Variants in SPTBN2 observed in about 807,000 individuals in gnomAD.
SPTBN2 encodes the protein spectrin beta chain, non-erythrocytic 2.
Under a neutral mutation model 284.2 loss-of-function variants are expected in SPTBN2, and 107 were observed. The ratio of observed to expected loss-of-function variants is 0.38; its 90% CI spans 0.32 to 0.44. The LOEUF (loss-of-function observed/expected upper bound fraction) is 0.44, where lower values mean the gene tolerates loss of function less well. Ranked by LOEUF, SPTBN2 falls within the 20% of genes least tolerant of loss-of-function variation. The pLI is 1.00. For synonymous variants in SPTBN2, 1,289 were observed against 1,354.8 expected, an observed-to-expected ratio of 0.95 and a Z score of 1.07; for missense variants, 2,569 against 3,287.1, an observed-to-expected ratio of 0.78 and a Z score of 5.34.
chr11:66,726,188 TAG>T, intron 1 of SPTBN2, among the ~76,000 whole-genome samples: 1 of 152,186 alleles, frequency 6.6e-6, no homozygotes, highest in East Asian at 1.9e-4. Context: ...ATGTCTTTCT[TAG>T]GACTAGAGAG....
intron 20 of SPTBN2, among the ~76,000 whole-genome samples, chr11:66,698,292 A>C (rs776034676): frequency 7.2e-5 from 11 of 152,252 alleles, no homozygotes; most frequent in Non-Finnish European, 1.5e-4. Flanking sequence ...TTTGGACTGC[A>C]AAGCCTCAGA....
At chr11:66,720,869 C>T (rs1483152319) in intron 3 of SPTBN2, among the ~76,000 whole-genome samples, 2 of 152,006 alleles carry the variant, frequency 1.3e-5, no homozygotes, top group Non-Finnish European at 1.5e-5. Context: ...GCCAGTGAAG[C>T]GTCTCTATGC....
chr11:66,711,976 T>C (rs947455167), intron 8 of SPTBN2, among the ~76,000 whole-genome samples: 45 of 152,150 alleles, frequency 3.0e-4, no homozygotes, highest in African/African-American at 9.9e-4. Flanking sequence ...CCCAGTGAAC[T>C]TAAGGAGCAC....
Position 66,688,214 on chromosome 11 carries a change from C to T in SPTBN2, c.6329G>A (p.Gly2110Glu). Reference sequence around the variant, plus strand: ...AGCTGTCTGGCCGCCCACCAGGTCCCCTGGAGGCACACTGGCTGTGGGTTC... The same window carrying T: ...AGCTGTCTGGCCGCCCACCAGGTCCTCTGGAGGCACACTGGCTGTGGGTTC... ...APEPTASVPP[G>E]DLVGGQTASD... Residue 2110 changes from glycine (G) to glutamate (E), a missense_variant, in exon 32 of 38, where the codon GGG becomes GAG. By Grantham distance (98) the Gly-to-Glu change is moderately conservative. Transcript: ENST00000533211. The T allele has an allele frequency of 6.2e-7, 1 of 1,613,744 alleles. No individual in the cohort carries two copies. Among genetic ancestry groups the T allele is most frequent in the Non-Finnish European group, 8.5e-7 (1 of 1,180,038 alleles).
chr11:66,700,122 AT>A lies in SPTBN2; in HGVS notation c.3573+403del, dbSNP rs948277430. Among the ~76,000 whole-genome samples, 1,345 of 147,100 alleles carry A rather than the reference AT, an allele frequency of 9.1e-3. 25 individuals carry two copies. Among genetic ancestry groups the A allele is most frequent in the African/African-American group, 0.031 (1,234 of 40,166 alleles). ...AGGCATGCACCACCATGTCCAGTTA[AT>A]TTTTTTTTTTCATAGAGATGGGGGT... is the stretch of plus-strand genomic sequence containing the variant. On this transcript the variant is annotated intron_variant, in intron 17 of 37. Transcript: ENST00000533211. The surrounding 1 kb of genome is among the most constrained non-coding windows in gnomAD (Gnocchi z 6.6).
chr11:66,739,777 C>A (rs374207379), intron 1 of SPTBN2, among the ~76,000 whole-genome samples: 1 of 152,154 alleles, frequency 6.6e-6, no homozygotes, highest in African/African-American at 2.4e-5. Flanking sequence ...GCCTGTAATC[C>A]CCCCAGCACT....
At chr11:66,714,008 T>C (rs1942015443) in intron 7 of SPTBN2, 83 bp downstream of exon 7, 1 of 1,394,182 alleles carries the variant, frequency 7.2e-7, no homozygotes, top group Non-Finnish European at 1.0e-6. Context: ...GTGCAGCTCA[T>C]CTCATCTCTG....
In SPTBN2 at chr11:66,693,750, T is replaced by C. The variant is rs1415116825; in HGVS notation, c.4593+22A>G. The C allele has an allele frequency of 6.2e-7, 1 of 1,604,634 alleles. No homozygotes were observed. Among genetic ancestry groups the C allele is most frequent in the Non-Finnish European group, 8.5e-7 (1 of 1,175,464 alleles). On this transcript the variant is annotated intron_variant, in intron 23 of 37. Transcript: ENST00000533211. The surrounding 1 kb of genome is among the most constrained non-coding windows in gnomAD (Gnocchi z 5.7). ...GGGCAGGCTCCTGGGAACTTCTCTT[T>C]TGCCTTCAGCCTCTGCCTCACCTGG...
Position 66,707,849 on chromosome 11 carries a change from G to C in SPTBN2, c.1351-31C>G, listed in dbSNP as rs781342814. 4 of 1,602,694 alleles carry C rather than the reference G, an allele frequency of 2.5e-6. No homozygotes were observed. Among genetic ancestry groups the C allele is most frequent in the Non-Finnish European group, 3.4e-6 (4 of 1,179,124 alleles). Reference sequence around the variant, plus strand: ...TCGGGGGCAGGGAGAGGAGGTGTGGGGACCAAGGGACAGTGCCTCTGCCTG... The same window carrying C: ...TCGGGGGCAGGGAGAGGAGGTGTGGCGACCAAGGGACAGTGCCTCTGCCTG... On this transcript the variant is annotated intron_variant, in intron 12 of 37. Transcript: ENST00000533211. This position sits in a 1 kb window ranked among gnomAD's most constrained non-coding sequence, Gnocchi z 4.9.
intron 1 of SPTBN2, among the ~76,000 whole-genome samples, chr11:66,724,159 G>A (rs999133640): frequency 6.6e-6 from 1 of 152,168 alleles, no homozygotes; most frequent in Non-Finnish European, 1.5e-5. Flanking sequence ...GGAGGCTCAC[G>A]CCTGTAATCC....
intron 1 of SPTBN2, among the ~76,000 whole-genome samples, chr11:66,735,916 T>A (rs1942848468): frequency 6.6e-6 from 1 of 152,170 alleles, no homozygotes; most frequent in Admixed American, 6.5e-5. Flanking sequence ...CTTGAAATTG[T>A]AAACAAGCAT....
In SPTBN2 at chr11:66,707,360, AG is replaced by A. The variant is rs1565140165; in HGVS notation, c.1653+155del. Reference sequence around the variant, plus strand: ...ATGTGGACACGAACCCCATGTGGACAGGGCCCTGTTTACTTTGTTCCCTGCA... The same window carrying A: ...ATGTGGACACGAACCCCATGTGGACAGGCCCTGTTTACTTTGTTCCCTGCA... On this transcript the variant is annotated intron_variant, in intron 13 of 37. Coordinates refer to ENST00000533211, the MANE Select transcript of SPTBN2 (RefSeq NM_006946.4). This position sits in a 1 kb window ranked among gnomAD's most constrained non-coding sequence, Gnocchi z 4.9. Among the ~76,000 whole-genome samples, 1 of 152,182 alleles carries A rather than the reference AG, an allele frequency of 6.6e-6. No individual in the cohort carries two copies. The highest frequency in any genetic ancestry group is 1.5e-5 in the Non-Finnish European group (1 of 68,028).
At chr11:66,716,387 G>T (rs1207795246) in intron 3 of SPTBN2, among the ~76,000 whole-genome samples, 1 of 151,972 alleles carries the variant, frequency 6.6e-6, no homozygotes, top group Non-Finnish European at 1.5e-5. Flanking sequence ...GGAGGCTGAG[G>T]CAGACTGACG....
chr11:66,715,088 G>T lies in SPTBN2; in HGVS notation c.483+134C>A. ...TCCACTGATCTGGTGCTTGGATAGC[G>T]CCGCCATGGCAGCTGCTACATAAGG... is the stretch of plus-strand genomic sequence containing the variant. On this transcript the variant is annotated intron_variant, in intron 5 of 37. Coordinates refer to ENST00000533211, the MANE Select transcript of SPTBN2 (RefSeq NM_006946.4). The surrounding 1 kb of genome is among the most constrained non-coding windows in gnomAD (Gnocchi z 5.3). 1 of 1,143,728 alleles carries T rather than the reference G, an allele frequency of 8.7e-7. No homozygotes were observed. The highest frequency in any genetic ancestry group is 1.3e-6 in the Non-Finnish European group (1 of 785,532). 70.8% of individuals were successfully genotyped at this position (1,143,728 alleles called of 1,614,324 possible).
chr11:66,691,516 C>G lies in SPTBN2; in HGVS notation c.5333G>C (p.Ser1778Thr). 2 of 1,612,674 alleles carry G rather than the reference C, an allele frequency of 1.2e-6. No homozygotes were observed. Among genetic ancestry groups the G allele is most frequent in the Non-Finnish European group, 1.7e-6 (2 of 1,180,042 alleles). Residue 1778 changes from serine to threonine, a missense_variant, in exon 27 of 38, where the codon AGT becomes ACT. This residue lies in a region of SPTBN2 where 1,130 missense variants were observed against 1,317.3 expected (regional missense o/e 0.86). Transcript: ENST00000533211. The surrounding 1 kb of genome is among the most constrained non-coding windows in gnomAD (Gnocchi z 8.0). Reference sequence around the variant, plus strand: ...CAGGTCAGCCCAGGCCTCGTTGAGACTGTCCTTCCACTCGGCCACGGTGGC... The same window carrying G: ...CAGGTCAGCCCAGGCCTCGTTGAGAGTGTCCTTCCACTCGGCCACGGTGGC... ...ARATVAEWKD[S>T]LNEAWADLLE...
At chr11:66,730,409 C>T (rs553064), upstream of SPTBN2, among the ~76,000 whole-genome samples, 1 of 151,852 alleles carries the variant, frequency 6.6e-6, no homozygotes, top group East Asian at 1.9e-4. Context: ...TGGTGAAACC[C>T]CTTCTCTACT....
At position 66,691,359 on chromosome 11, in the gene SPTBN2, G is replaced by A. The variant is rs201517114; in HGVS notation, c.5490C>T (p.Arg1830=). 4.6e-5 allele frequency: 72 copies of A among 1,581,460 alleles called. 1 individual carries two copies. Among genetic ancestry groups the A allele is most frequent in the South Asian group, 3.3e-4 (29 of 86,592 alleles). ...GCAGGGCCTCGGCAGCGTTGAGGTC[G>A]CGGCCAGTCCCGTCCGGAAGCTGCT... ...KQQQLPDGTG[R]DLNAAEALQR... is the part of the protein sequence containing the mutation. Residue 1830 remains arginine, a synonymous_variant, in exon 27 of 38, where the codon CGC becomes CGT. Coordinates refer to ENST00000533211, the MANE Select transcript of SPTBN2 (RefSeq NM_006946.4). This position sits in a 1 kb window ranked among gnomAD's most constrained non-coding sequence, Gnocchi z 8.0.
intron 18 of SPTBN2, 70 bp from the exon 19 acceptor site, chr11:66,699,152 G>C: frequency 1.3e-6 from 2 of 1,578,146 alleles, no homozygotes; most frequent in South Asian, 1.1e-5. Context: ...GGCTAACCTA[G>C]GGGCCTCCAT....
chr11:66,682,691 G>A lies in SPTBN2; in HGVS notation c.*3180C>T, dbSNP rs1565101286. Reference sequence around the variant, plus strand: ...CACACATGGCTGGGTGGCTGCTGCTGTGGACAGCATGGACCTAAAGTCCAC... The same window carrying A: ...CACACATGGCTGGGTGGCTGCTGCTATGGACAGCATGGACCTAAAGTCCAC... On this transcript the variant is annotated 3_prime_UTR_variant, in exon 38 of 38. Transcript: ENST00000533211. Among the ~76,000 whole-genome samples, 2 of 152,154 alleles carry A rather than the reference G, an allele frequency of 1.3e-5. No homozygotes were observed. Among genetic ancestry groups the A allele is most frequent in the African/African-American group, 4.8e-5 (2 of 41,430 alleles).
Sources: gnomAD v4.1 joint callset for allele counts (sites outside exome capture counted in the v4.1 genomes callset) on GRCh38, gnomAD v4.1.1 for gene constraint, gnomAD v4.1.1 regional missense constraint, Gnocchi (gnomAD v3.1) non-coding constraint, MANE v1.5 for transcripts, NCBI Gene and HGNC (gene_info 2026-07-23, HGNC 2026-07-21) for gene names.